RBM10: variants seen among roughly 807,000 people sequenced by gnomAD.
RBM10 encodes the protein RNA-binding protein 10.
Under a neutral mutation model 84.9 loss-of-function variants are expected in RBM10, and 1 was observed. That is an observed-to-expected ratio of 0.01 (90% CI 0.00 to 0.06). The LOEUF (loss-of-function observed/expected upper bound fraction) is 0.06, where lower values mean the gene tolerates loss of function less well. RBM10 is among the 10% of genes least tolerant of loss of function. The pLI is 1.00. For synonymous variants in RBM10, 326 were observed against 344.5 expected (o/e 0.95, Z 0.60); for missense variants, 438 against 839.0 (o/e 0.52, Z 5.90).
intron 17 of RBM10, among the ~76,000 whole-genome samples, chrX:47,183,845 C>T (rs1935714266): frequency 1.8e-5 from 2 of 109,381 alleles, no homozygotes; most frequent in South Asian, 4.0e-4. Flanking sequence ...TACAGGCATC[C>T]GCCACCATGC....
chrX:47,176,601 G>C lies in RBM10; in HGVS notation c.663+15G>C, dbSNP rs1404341502. ...TGTGCAATAAGGTACAGGGGCGGTG[G>C]GCAGCAGTTGTCATGGACAGAGACA... On this transcript the variant is annotated intron_variant, in intron 7 of 23. Transcript: ENST00000377604. The C allele has an allele frequency of 8.3e-7, 1 of 1,207,939 alleles. No homozygotes were observed. Among genetic ancestry groups the C allele is most frequent in the African/African-American group, 1.8e-5 (1 of 56,697 alleles).
intron 2 of RBM10, chrX:47,157,308 G>A (rs1053067764): frequency 1.2e-5 from 4 of 333,174 alleles, no homozygotes; most frequent in Non-Finnish European, 2.3e-5. Flanking sequence ...GTACAGAACG[G>A]TGTTGTGGTT....
At chrX:47,158,988 G>A (rs1933418665) in intron 2 of RBM10, among the ~76,000 whole-genome samples, 1 of 112,712 alleles carries the variant, frequency 8.9e-6, no homozygotes. Context: ...CTATATGGCT[G>A]TGAAGGACAT....
At position 47,166,070 on chromosome X, in the gene RBM10, A is replaced by G. The variant is rs144361224; in HGVS notation, c.18-3245A>G. Among the ~76,000 whole-genome samples, 266 of 111,445 alleles carry G rather than the reference A, an allele frequency of 2.4e-3. 2 individuals are homozygous for G. The highest frequency in any genetic ancestry group is 8.3e-3 in the African/African-American group (254 of 30,621). On this transcript the variant is annotated intron_variant, in intron 2 of 23. Coordinates refer to ENST00000377604, the MANE Select transcript of RBM10 (RefSeq NM_005676.5). Reference sequence around the variant, plus strand: ...AAATGGTAAATGTATATTTTACCACAATACAAAATGATCTAGAAAAAATAT... The same window carrying G: ...AAATGGTAAATGTATATTTTACCACGATACAAAATGATCTAGAAAAAATAT...
chrX:47,160,550 A>G (rs1933591012), intron 2 of RBM10, among the ~76,000 whole-genome samples: 1 of 110,452 alleles, frequency 9.1e-6, no homozygotes, highest in African/African-American at 3.3e-5. Flanking sequence ...ACAAGGAGAC[A>G]CCGTCTCATG....
At position 47,181,894 on chromosome X, in the gene RBM10, G is replaced by A. The variant is rs368246578; in HGVS notation, c.1693+28G>A. Reference sequence around the variant, plus strand: ...GAGTAGCCACAGCCTGTGGGTAGGGGTGGGGAGTTCTTAATAAAGCAGGGA... The same window carrying A: ...GAGTAGCCACAGCCTGTGGGTAGGGATGGGGAGTTCTTAATAAAGCAGGGA... On this transcript the variant is annotated intron_variant, in intron 15 of 23. Transcript: ENST00000377604. 13 of 1,209,507 alleles carry A rather than the reference G, an allele frequency of 1.1e-5. No homozygotes were observed. The African/African-American group carries it at 1.4e-4, about 13-fold the overall frequency.
intron 2 of RBM10, chrX:47,157,030 T>C (rs1438386702): frequency 3.7e-5 from 11 of 294,813 alleles, no homozygotes; most frequent in African/African-American, 3.0e-4. Flanking sequence ...ATCTGGTTGT[T>C]GATGATGATG....
chrX:47,163,842 G>A (rs1933927291), intron 2 of RBM10, among the ~76,000 whole-genome samples: 1 of 94,718 alleles, frequency 1.1e-5, no homozygotes, highest in African/African-American at 4.1e-5. Context: ...ACAGGCGCCT[G>A]CCACCACGCC....
At chrX:47,182,471 GC>G in intron 17 of RBM10, 145 bp downstream of exon 17, 2 of 910,136 alleles carry the variant, frequency 2.2e-6, no homozygotes, top group Non-Finnish European at 3.1e-6. Flanking sequence ...CCATGCTCTT[GC>G]CCCAGCTCTG....
rs1193846029 is a variant in RBM10, at chrX:47,147,380, AG to A, written c.-100del. ...AGAGTCCCTGCAGGAAGCATCACCCAGGCTGGCAGATCATGGTAGCAGCAGC... is the reference window on the plus strand; with the variant it reads ...AGAGTCCCTGCAGGAAGCATCACCCAGCTGGCAGATCATGGTAGCAGCAGC... On this transcript the variant is annotated 5_prime_UTR_variant, in exon 2 of 24. An upstream open reading frame in the 5' UTR gains an earlier in-frame stop. Transcript: ENST00000377604. The A allele has an allele frequency of 8.3e-7, 1 of 1,203,502 alleles. No individual in the cohort carries two copies. Among genetic ancestry groups the A allele is most frequent in the Non-Finnish European group, 1.1e-6 (1 of 891,490 alleles).
At chrX:47,166,126 G>A (rs540962583) in intron 2 of RBM10, among the ~76,000 whole-genome samples, 1 of 111,808 alleles carries the variant, frequency 8.9e-6, no homozygotes, top group South Asian at 3.7e-4. Flanking sequence ...TTTATTTTAG[G>A]CCATGTGCAG....
Position 47,169,363 on chromosome X carries a change from G to T in RBM10, c.66G>T (p.Ser22=), listed in dbSNP as rs1556770641. Residue 22 remains serine (S), a synonymous_variant, in exon 3 of 24, where the codon TCG becomes TCT. Coordinates refer to ENST00000377604, the MANE Select transcript of RBM10 (RefSeq NM_005676.5). The part of the protein sequence containing the change: ...RTGRYGATDR[S]QDDGGENRSR... ...GCCGCTATGGAGCCACTGACCGCTC[G>T]CAGGATGATGGTGGGGAGAACCGCA... The T allele has an allele frequency of 8.3e-7, 1 of 1,211,865 alleles. No homozygotes were observed. Among genetic ancestry groups the T allele is most frequent in the Non-Finnish European group, 1.1e-6 (1 of 895,382 alleles).
At chrX:47,161,766 G>A (rs889694264) in intron 2 of RBM10, among the ~76,000 whole-genome samples, 1 of 110,490 alleles carries the variant, frequency 9.1e-6, no homozygotes, top group Admixed American at 9.7e-5. Context: ...TCCCGGGCTC[G>A]AGCGATCCGC....
intron 23 of RBM10, 34 bp downstream of exon 23, chrX:47,186,421 C>T: frequency 8.3e-7 from 1 of 1,198,583 alleles, no homozygotes. Context: ...CATCCCCCAG[C>T]ACCCCTCACA....
intron 2 of RBM10, among the ~76,000 whole-genome samples, chrX:47,167,018 G>A (rs200820286): frequency 9.2e-6 from 1 of 109,044 alleles, no homozygotes; most frequent in East Asian, 2.9e-4. Context: ...CTTGTGATCC[G>A]CCTACCTCAC....
At chrX:47,145,634 TGG>T (rs1404519086) in intron 1 of RBM10, 149 bp downstream of exon 1, 11 of 296,834 alleles carry the variant, frequency 3.7e-5, no homozygotes, top group Admixed American at 8.3e-5. Context: ...TTTTTTTTTT[TGG>T]TTTTTTTTTT....
chrX:47,165,528 A>T (rs1451737996), intron 2 of RBM10, among the ~76,000 whole-genome samples: 2 of 104,797 alleles, frequency 1.9e-5, no homozygotes, highest in African/African-American at 7.0e-5. Flanking sequence ...AGAAAAAAAA[A>T]AAAAAAGAGG....
chrX:47,167,794 T>A (rs1266595875), intron 2 of RBM10, among the ~76,000 whole-genome samples: 2 of 112,743 alleles, frequency 1.8e-5, no homozygotes, highest in Non-Finnish European at 3.7e-5. Context: ...TTCTAAACAG[T>A]GGTTACATTA....
intron 2 of RBM10, among the ~76,000 whole-genome samples, chrX:47,152,774 GACACACACACACACACACACACACACAC>G (rs370048928): frequency 2.5e-5 from 2 of 80,364 alleles, no homozygotes; most frequent in African/African-American, 9.5e-5. Context: ...TCTTTACATA[GACACACACACACACACACACACACACAC>G]ACACACACAC....
Sources: allele counts gnomAD v4.1 joint callset (sites outside exome capture counted in the v4.1 genomes callset), GRCh38; gene constraint gnomAD v4.1.1; transcripts MANE v1.5; gene names NCBI Gene and HGNC (gene_info 2026-07-23, HGNC 2026-07-21).